Variants in C3orf20 observed in about 807,000 individuals in gnomAD.
C3orf20 encodes the protein uncharacterized protein C3orf20.
A neutral mutation model predicts 88.3 loss-of-function variants in C3orf20; 76 were observed. That is an observed-to-expected ratio of 0.86 (90% CI 0.72 to 1.04). The LOEUF (loss-of-function observed/expected upper bound fraction) is 1.04, where lower values mean the gene tolerates loss of function less well. C3orf20 is among the 50% of genes least tolerant of loss of function. The pLI is 0.00. For synonymous variants in C3orf20, 436 were observed against 437.4 expected (o/e 1.00, Z 0.04); for missense variants, 1,056 against 1,123.3 (o/e 0.94, Z 0.86).
chr3:14,759,733 A>G (rs1372324874), intron 13 of C3orf20, among the ~76,000 whole-genome samples, 158 bp from the exon 14 acceptor site: 2 of 152,200 alleles, frequency 1.3e-5, no homozygotes, highest in Non-Finnish European at 2.9e-5. Context: ...GGAGGTGTGC[A>G]TGCAGGCCCA....
intron 9 of C3orf20, among the ~76,000 whole-genome samples, chr3:14,720,090 C>T (rs573643977): frequency 2.6e-5 from 4 of 152,118 alleles, no homozygotes; most frequent in East Asian, 1.9e-4. Context: ...AGTGTAGTGG[C>T]GTGATCTCAG....
intron 1 of C3orf20, among the ~76,000 whole-genome samples, chr3:14,680,197 A>G (rs1448111587): frequency 6.6e-6 from 1 of 152,258 alleles, no homozygotes; most frequent in Non-Finnish European, 1.5e-5. Context: ...ACAAAAGCTT[A>G]TGTATGCATA....
chr3:14,714,438 A>G (rs952575608), intron 8 of C3orf20, among the ~76,000 whole-genome samples: 1 of 152,182 alleles, frequency 6.6e-6, no homozygotes, highest in African/African-American at 2.4e-5. Flanking sequence ...CTTGATTGTT[A>G]GTTATATTAA....
chr3:14,751,411 G>A (rs1032951134), intron 12 of C3orf20, among the ~76,000 whole-genome samples: 1 of 152,192 alleles, frequency 6.6e-6, no homozygotes, highest in Non-Finnish European at 1.5e-5. Flanking sequence ...CTAAAGCAGG[G>A]CAGGGTGTCG....
At chr3:14,766,661 G>C (rs1185690859) in intron 15 of C3orf20, among the ~76,000 whole-genome samples, 1 of 152,240 alleles carries the variant, frequency 6.6e-6, no homozygotes, top group East Asian at 1.9e-4. Flanking sequence ...TCATACAGCA[G>C]TGGGGACGAG....
intron 12 of C3orf20, among the ~76,000 whole-genome samples, chr3:14,751,485 G>A (rs2035217549): frequency 6.6e-6 from 1 of 152,168 alleles, no homozygotes; most frequent in East Asian, 1.9e-4. Flanking sequence ...AGCCATGAGT[G>A]AATGGTAAGA....
intron 5 of C3orf20, 149 bp from the exon 6 acceptor site, chr3:14,702,981 C>T: frequency 1.1e-6 from 1 of 905,760 alleles, no homozygotes. Context: ...GTTACAGGGC[C>T]CATGCAAGTC....
At position 14,704,677 on chromosome 3, in the gene C3orf20, G is replaced by C. The variant is rs1256704598; in HGVS notation, c.1160+59G>C. ...AGCTACTCAACCCCAGAGAAGTCCA[G>C]GACTTGATACAGCCTAAATGTTTCC... is the stretch of plus-strand genomic sequence containing the variant. On this transcript the variant is annotated intron_variant, in intron 7 of 16. Coordinates refer to ENST00000253697, the MANE Select transcript of C3orf20 (RefSeq NM_032137.5). 9 of 1,581,166 alleles carry C rather than the reference G, an allele frequency of 5.7e-6. No homozygotes were observed. In the Admixed American group the frequency reaches 1.0e-4, roughly 18 times the overall value.
In C3orf20 at chr3:14,753,576, A is replaced by T. The variant is rs1228337607; in HGVS notation, c.1941-3795A>T. ...TTTCCTTGGGGACAGTTTCTAGTAA[A>T]TTTTTTTCCTGTGAGTGGTCCATAC... On this transcript the variant is annotated intron_variant, in intron 12 of 16. Transcript: ENST00000253697. Among the ~76,000 whole-genome samples the T allele has an allele frequency of 3.3e-5, 5 of 152,058 alleles. No homozygotes were observed. The South Asian group carries it at 6.2e-4, about 19-fold the overall frequency.
At chr3:14,698,865 A>G (rs970417821) in intron 5 of C3orf20, among the ~76,000 whole-genome samples, 14 of 152,236 alleles carry the variant, frequency 9.2e-5, no homozygotes, top group African/African-American at 3.4e-4. Flanking sequence ...TAGGGCAGAC[A>G]GTTCCCTCAG....
At chr3:14,722,598 C>G in intron 10 of C3orf20, 1 of 456,518 alleles carries the variant, frequency 2.2e-6, no homozygotes, top group Non-Finnish European at 4.4e-6. Flanking sequence ...TGCTCAGCCC[C>G]CCTGGCCGTG....
chr3:14,685,987 G>A (rs770021168), intron 4 of C3orf20, among the ~76,000 whole-genome samples: 3 of 150,288 alleles, frequency 2.0e-5, no homozygotes, highest in East Asian at 2.0e-4. Flanking sequence ...TCAGCCTCCC[G>A]AGTAGCTGGG....
intron 7 of C3orf20, among the ~76,000 whole-genome samples, chr3:14,713,260 T>C (rs1360656192): frequency 6.6e-6 from 1 of 152,242 alleles, no homozygotes; most frequent in East Asian, 1.9e-4. Context: ...TAATTTCTCT[T>C]GTCTCTCCTT....
At chr3:14,718,161 A>C (rs569223078) in intron 9 of C3orf20, among the ~76,000 whole-genome samples, 40 of 152,154 alleles carry the variant, frequency 2.6e-4, no homozygotes, top group African/African-American at 8.9e-4. Context: ...TGAGACTCCA[A>C]TTATGTCTAT....
At chr3:14,753,496 A>T (rs919094164) in intron 12 of C3orf20, among the ~76,000 whole-genome samples, 10 of 152,188 alleles carry the variant, frequency 6.6e-5, no homozygotes, top group Non-Finnish European at 8.8e-5. Context: ...ATAATAATAT[A>T]TATATAGTTA....
rs186392770 is a variant in C3orf20, at chr3:14,766,546, T to C, written c.2495+4931T>C. ...AGTCACTGCTATCCCCCTGCCTCCG[T>C]CATCACCCTCAGGGGCAGCCGGCGA... On this transcript the variant is annotated intron_variant, in intron 15 of 16. Coordinates refer to ENST00000253697, the MANE Select transcript of C3orf20 (RefSeq NM_032137.5). Among the ~76,000 whole-genome samples, 386 of 152,330 alleles carry C rather than the reference T, an allele frequency of 2.5e-3. 1 individual carries two copies. Among genetic ancestry groups the C allele is most frequent in the Middle Eastern group, 0.02 (6 of 294 alleles).
At position 14,703,151 on chromosome 3, in the gene C3orf20, A is replaced by T; in HGVS notation, c.767A>T (p.Asp256Val). The T allele has an allele frequency of 1.9e-6, 3 of 1,614,184 alleles. No individual in the cohort carries two copies. Among genetic ancestry groups the T allele is most frequent in the Non-Finnish European group, 2.5e-6 (3 of 1,180,032 alleles). The change falls in exon 6 of 17, where the codon GAT becomes GTT. Residue 256 changes from aspartate to valine, a missense_variant. Asp to Val is a radical substitution (Grantham distance 152). Transcript: ENST00000253697. ...KKIGKSRTTE[D>V]VSMPPLHRGV... ...ACAGGCAAATCTAGAACTACAGAAG[A>T]TGTCAGCATGCCGCCCCTGCATCGA...
intron 4 of C3orf20, among the ~76,000 whole-genome samples, chr3:14,685,079 G>A (rs906780624): frequency 3.9e-5 from 6 of 152,050 alleles, no homozygotes; most frequent in East Asian, 1.9e-4. Flanking sequence ...AAATTAATCC[G>A]AATGTTTATC....
At position 14,772,191 on chromosome 3, in the gene C3orf20, G is replaced by A. The variant is rs139466801; in HGVS notation, c.2620G>A (p.Glu874Lys). Residue 874 changes from glutamate (E) to lysine (K), a missense_variant, in exon 16 of 17, where the codon GAG (glutamate) becomes AAG (lysine). By Grantham distance (56) the Glu-to-Lys change is moderately conservative. Transcript: ENST00000253697. The surrounding 1 kb of genome is among the most constrained non-coding windows in gnomAD (Gnocchi z 4.2). ...CTATGTGGAGAAGGAGTTATCTCTG[G>A]AGGCTGAGAAGTAGGTGACCACATC... is the stretch of plus-strand genomic sequence containing the variant. ...EDYVEKELSLEAEKTREPEVE... is the reference protein window; with the variant it reads ...EDYVEKELSLKAEKTREPEVE... The A allele has an allele frequency of 2.4e-4, 384 of 1,614,254 alleles. 1 individual carries two copies. Among genetic ancestry groups the A allele is most frequent in the South Asian group, 9.7e-4 (88 of 91,088 alleles).
Sources: allele counts gnomAD v4.1 joint callset (sites outside exome capture counted in the v4.1 genomes callset), GRCh38; gene constraint gnomAD v4.1.1; non-coding constraint Gnocchi (gnomAD v3.1); transcripts MANE v1.5; gene names NCBI Gene and HGNC (gene_info 2026-07-23, HGNC 2026-07-21).